ASB7: variants seen among roughly 807,000 people sequenced by gnomAD.
ASB7 encodes the protein ankyrin repeat and SOCS box containing 7.
A neutral mutation model predicts 32.5 loss-of-function variants in ASB7; 4 were observed. That is an observed-to-expected ratio of 0.12 (90% CI 0.06 to 0.28). The LOEUF (loss-of-function observed/expected upper bound fraction) is 0.28. ASB7 is among the 10% of genes least tolerant of loss of function. The pLI is 1.00. For missense variants in ASB7, 181 were observed against 407.1 expected (o/e 0.44, Z 4.78); for synonymous variants, 172 against 155.6 (o/e 1.11, Z -0.78).
Position 100,648,472 on chromosome 15 carries a change from A to G in ASB7, c.*10A>G. On this transcript the variant is annotated 3_prime_UTR_variant, in exon 6 of 6. Transcript: ENST00000332783. The stretch of plus-strand genomic sequence containing the variant: ...ATTTGATGATATCTGATATGCCAGA[A>G]CTGTGAGCAAGATTAGGAGTTCTAT... 1 of 1,595,860 alleles carries G rather than the reference A, an allele frequency of 6.3e-7. No homozygotes were observed. The highest frequency in any genetic ancestry group is 8.6e-7 in the Non-Finnish European group (1 of 1,167,490).
At chr15:100,636,071 C>T (rs2039921090) in intron 5 of ASB7, among the ~76,000 whole-genome samples, 1 of 152,168 alleles carries the variant, frequency 6.6e-6, no homozygotes, top group Admixed American at 6.5e-5. Flanking sequence ...ACTCTCAGAC[C>T]AGTCAATTCA....
intron 2 of ASB7, among the ~76,000 whole-genome samples, chr15:100,608,244 C>T (rs1035470554): frequency 3.9e-5 from 6 of 152,198 alleles, no homozygotes; most frequent in Non-Finnish European, 8.8e-5. Flanking sequence ...TTTGGATTTA[C>T]AGAACAATTA....
chr15:100,627,962 T>G (rs977094064), intron 4 of ASB7, among the ~76,000 whole-genome samples: 4 of 152,172 alleles, frequency 2.6e-5, no homozygotes, highest in Non-Finnish European at 5.9e-5. Flanking sequence ...GTGGAAACAT[T>G]AGTGTCATGC....
chr15:100,645,488 G>A (rs1447370750), intron 5 of ASB7: 5 of 587,004 alleles, frequency 8.5e-6, no homozygotes, highest in Non-Finnish European at 1.6e-5. Flanking sequence ...AAGGAGCCCT[G>A]TGTCTGTCTA....
At chr15:100,607,643 C>G (rs952589451) in intron 2 of ASB7, among the ~76,000 whole-genome samples, 1 of 152,128 alleles carries the variant, frequency 6.6e-6, no homozygotes, top group Non-Finnish European at 1.5e-5. Flanking sequence ...GAAAAATAAT[C>G]TTAAAATGTC....
intron 5 of ASB7, among the ~76,000 whole-genome samples, chr15:100,631,193 T>C (rs2039880505): frequency 6.6e-6 from 1 of 152,196 alleles, no homozygotes; most frequent in Admixed American, 6.5e-5. Flanking sequence ...CCAGTACCAG[T>C]TTCTGTGATG....
chr15:100,646,432 G>T, intron 5 of ASB7: 3 of 441,766 alleles, frequency 6.8e-6, no homozygotes, highest in Non-Finnish European at 1.4e-5. Context: ...TTTTAAGGAG[G>T]TGTTCTCCCG....
In ASB7 at chr15:100,649,255, G is replaced by A. The variant is rs2141410607; in HGVS notation, c.*793G>A. The stretch of plus-strand genomic sequence containing the variant: ...CCTGCAGTGCAATACTCCTTCTGGT[G>A]TATTTTATCCATTATTTCACTTGCT... On this transcript the variant is annotated 3_prime_UTR_variant, in exon 6 of 6. Coordinates refer to ENST00000332783, the MANE Select transcript of ASB7 (RefSeq NM_198243.3). 6.6e-6 allele frequency: 1 copy of A among 152,384 alleles called. No individual in the cohort carries two copies. Among genetic ancestry groups the A allele is most frequent in the South Asian group, 2.1e-4 (1 of 4,822 alleles). The allele number at this position is 152,384 out of a possible 1,614,324, so 9.4% of individuals were successfully genotyped here.
intron 4 of ASB7, among the ~76,000 whole-genome samples, chr15:100,615,336 G>C (rs1463644062): frequency 2.0e-5 from 3 of 152,182 alleles, no homozygotes; most frequent in African/African-American, 7.2e-5. Flanking sequence ...AATGGCTTTC[G>C]GCATATTCAT....
chr15:100,629,306 C>A lies in ASB7; in HGVS notation c.212-131C>A. ...TTGAATTAAACTGAGGAAAAACGTA[C>A]TTGATATTCATTACAGTGTTTGGTT... is the stretch of plus-strand genomic sequence containing the variant. On this transcript the variant is annotated intron_variant, in intron 4 of 5. Transcript: ENST00000332783. This position sits in a 1 kb window ranked among gnomAD's most constrained non-coding sequence, Gnocchi z 6.8. The A allele has an allele frequency of 3.7e-6, 3 of 803,166 alleles. No individual in the cohort carries two copies. Among genetic ancestry groups the A allele is most frequent in the Non-Finnish European group, 4.0e-6 (2 of 504,178 alleles). 49.8% of individuals were successfully genotyped at this position (803,166 alleles called of 1,614,324 possible). A position where few individuals can be genotyped will look rare whatever the true frequency, so the allele number is the denominator to read the frequency against.
intron 5 of ASB7, among the ~76,000 whole-genome samples, chr15:100,633,383 C>G (rs2039898641): frequency 1.3e-5 from 2 of 152,104 alleles, no homozygotes; most frequent in Middle Eastern, 6.8e-3. Context: ...TTGAGGCCAG[C>G]CTGGCCAACG....
In ASB7 at chr15:100,629,413, C is replaced by T. The variant is rs375624735; in HGVS notation, c.212-24C>T. ...TGTTTTGTCTTGGAGTCTGCTAATA[C>T]TTTCATTTTGGTTTTAACTCCAGCT... On this transcript the variant is annotated intron_variant, in intron 4 of 5. Transcript: ENST00000332783. The surrounding 1 kb of genome is among the most constrained non-coding windows in gnomAD (Gnocchi z 6.8). 41 of 1,578,902 alleles carry T rather than the reference C, an allele frequency of 2.6e-5. No homozygotes were observed. The highest frequency in any genetic ancestry group is 3.2e-5 in the Non-Finnish European group (37 of 1,155,244).
chr15:100,603,721 C>T (rs764837878), intron 2 of ASB7, among the ~76,000 whole-genome samples: 41 of 152,110 alleles, frequency 2.7e-4, no homozygotes, highest in Non-Finnish European at 5.7e-4. Flanking sequence ...ACTGTTTTCC[C>T]CCTTACTCTT....
intron 5 of ASB7, among the ~76,000 whole-genome samples, chr15:100,631,141 A>G (rs2039880207): frequency 6.6e-6 from 1 of 152,196 alleles, no homozygotes; most frequent in African/African-American, 2.4e-5. Context: ...TTCAGACTAA[A>G]GCGTAAGAAA....
In ASB7 at chr15:100,643,807, T is replaced by C. The variant is rs777622394; in HGVS notation, c.818-4516T>C. ...CGCGCCCAGCCAGCCCCTTCTTTTT[T>C]TTACCTTAGCTAAGCAAATTCTAGT... On this transcript the variant is annotated intron_variant, in intron 5 of 5. Coordinates refer to ENST00000332783, the MANE Select transcript of ASB7 (RefSeq NM_198243.3). 3.5e-4 allele frequency among the ~76,000 whole-genome samples: 53 copies of C among 152,124 alleles called. 1 individual carries two copies. Among genetic ancestry groups the C allele is most frequent in the Non-Finnish European group, 6.6e-4 (45 of 67,988 alleles).
Position 100,603,333 on chromosome 15 carries a change from C to G in ASB7, c.-174+20C>G. 1 of 245,392 alleles carries G rather than the reference C, an allele frequency of 4.1e-6. No individual in the cohort carries two copies. The allele number at this position is 245,392 out of a possible 1,614,324, so 15.2% of individuals were successfully genotyped here. ...GTAAAGGTAATGAGCCAGCCCTCCC[C>G]TCCCCCGTTGTTTATTCCTGGCCCC... On this transcript the variant is annotated intron_variant, in intron 2 of 5. Transcript: ENST00000332783.
At chr15:100,624,512 G>C (rs1325885802) in intron 4 of ASB7, among the ~76,000 whole-genome samples, 3 of 152,214 alleles carry the variant, frequency 2.0e-5, no homozygotes, top group Non-Finnish European at 4.4e-5. Context: ...AAAAGATTAG[G>C]AGTATAATGG....
Position 100,603,227 on chromosome 15 carries a change from TGAA to T in ASB7, c.-254_-252del. On this transcript the variant is annotated 5_prime_UTR_variant, in exon 2 of 6. Transcript: ENST00000332783. ...TCTGTTTTTCTAGGTTTGAGCTGGC[TGAA>T]GAAGACGCGAAAGCAGGAAGAGGTC... is the stretch of plus-strand genomic sequence containing the variant. 2.6e-6 allele frequency: 1 copy of T among 379,550 alleles called. No individual in the cohort carries two copies. The highest frequency in any genetic ancestry group is 4.7e-6 in the Non-Finnish European group (1 of 214,934). The allele number at this position is 379,550 out of a possible 1,614,324, so 23.5% of individuals were successfully genotyped here.
intron 5 of ASB7, 145 bp downstream of exon 5, chr15:100,630,187 A>AT (rs752962156): frequency 3.0e-6 from 4 of 1,355,334 alleles, no homozygotes; most frequent in Non-Finnish European, 3.8e-6. Flanking sequence ...TTCTTCTGAA[A>AT]TAAAAAAAAA....
Sources: gnomAD v4.1 joint callset for allele counts (sites outside exome capture counted in the v4.1 genomes callset) on GRCh38, gnomAD v4.1.1 for gene constraint, Gnocchi (gnomAD v3.1) non-coding constraint, MANE v1.5 for transcripts, NCBI Gene and HGNC (gene_info 2026-07-23, HGNC 2026-07-21) for gene names.